The following PCDHA6 variants were observed in gnomAD, a reference collection of about 807,000 sequenced individuals.
The protein encoded by PCDHA6 is protocadherin alpha 6.
Under a neutral mutation model 60.3 loss-of-function variants are expected in PCDHA6, and 55 were observed. The observed-to-expected ratio is 0.91, with a 90% CI of 0.73 to 1.14. PCDHA6 has a LOEUF of 1.14. Ranked by LOEUF, PCDHA6 falls within the 50% of genes most tolerant of loss-of-function variation. PCDHA6 has a pLI of 0.00. For missense variants in PCDHA6, 1,327 were observed against 1,256.5 expected (o/e 1.06, Z -0.85); for synonymous variants, 652 against 557.9 (o/e 1.17, Z -2.38).
At chr5:140,972,170 C>G (rs1001419960) in intron 1 of PCDHA6, among the ~76,000 whole-genome samples, 2 of 152,034 alleles carry the variant, frequency 1.3e-5, no homozygotes, top group African/African-American at 4.8e-5. Flanking sequence ...GAGACAGAGT[C>G]TTGGCCTGTC....
At chr5:140,987,431 C>G (rs187493051) in intron 3 of PCDHA6, among the ~76,000 whole-genome samples, 1 of 152,232 alleles carries the variant, frequency 6.6e-6, no homozygotes, top group East Asian at 1.9e-4. Context: ...AGCAGGGGGC[C>G]TTTCCCCATG....
intron 1 of PCDHA6, among the ~76,000 whole-genome samples, chr5:140,947,975 A>G (rs572156919): frequency 5.8e-4 from 87 of 150,726 alleles, no homozygotes; most frequent in African/African-American, 1.9e-3. Context: ...TGTGCTACTC[A>G]TAGGTTTTTC....
rs1250461159 is a variant in PCDHA6 at position 140,856,238 on chromosome 5, C to A, written c.2394+25753C>A. 4 of 1,597,820 alleles carry A rather than the reference C, an allele frequency of 2.5e-6. 1 individual carries two copies. Among genetic ancestry groups the A allele is most frequent in the African/African-American group, 1.3e-5 (1 of 74,234 alleles). On this transcript the variant is annotated intron_variant, in intron 1 of 3. Coordinates refer to ENST00000529310, the MANE Select transcript of PCDHA6 (RefSeq NM_018909.4). ...GGCGGAGCTGGTGCAGCGCCTGTTC[C>A]GGGTGGCGTCCAAAAGACACGGGGA... is the stretch of plus-strand genomic sequence containing the variant.
At chr5:140,910,794 T>A (rs1431401808) in intron 1 of PCDHA6, among the ~76,000 whole-genome samples, 5 of 152,166 alleles carry the variant, frequency 3.3e-5, no homozygotes, top group Non-Finnish European at 7.3e-5. Flanking sequence ...AAATGCAGAA[T>A]CCCTGCTTAG....
intron 1 of PCDHA6, among the ~76,000 whole-genome samples, chr5:140,909,261 G>A (rs1358542746): frequency 6.6e-6 from 1 of 152,226 alleles, no homozygotes; most frequent in Admixed American, 6.5e-5. Flanking sequence ...CTTGCTGACT[G>A]AAGGCAAATT....
At chr5:140,841,797 A>T in intron 1 of PCDHA6, 1 of 1,613,936 alleles carries the variant, frequency 6.2e-7, no homozygotes, top group Non-Finnish European at 8.5e-7. Flanking sequence ...GGCGCGTCCG[A>T]TGCAGATGTT....
At chr5:140,874,834 T>C (rs756394440) in intron 1 of PCDHA6, among the ~76,000 whole-genome samples, 17 of 152,260 alleles carry the variant, frequency 1.1e-4, no homozygotes, top group Non-Finnish European at 2.5e-4. Context: ...AAATATTGTT[T>C]GGTATTAGAC....
At chr5:140,847,405 A>T (rs2150400080) in intron 1 of PCDHA6, 5 of 149,702 alleles carry the variant, frequency 3.3e-5, no homozygotes, top group African/African-American at 1.2e-4. Context: ...GGCACAATAA[A>T]CACTCACGGT....
chr5:140,967,610 T>A, intron 1 of PCDHA6: 1 of 1,614,108 alleles, frequency 6.2e-7, no homozygotes, highest in Non-Finnish European at 8.5e-7. Context: ...GCTGAATGCC[T>A]CAGACCCGGA....
At chr5:140,856,890 G>T in intron 1 of PCDHA6, 2 of 1,596,172 alleles carry the variant, frequency 1.3e-6, no homozygotes, top group Non-Finnish European at 1.7e-6. Context: ...TATTCATTTA[G>T]CTCTTTGGTC....
At chr5:140,918,252 C>T (rs931753296) in intron 1 of PCDHA6, among the ~76,000 whole-genome samples, 1 of 152,078 alleles carries the variant, frequency 6.6e-6, no homozygotes, top group East Asian at 1.9e-4. Context: ...TATGCTGAAA[C>T]TTTGCTGGAG....
chr5:140,829,237 C>A lies in PCDHA6; in HGVS notation c.1146C>A (p.Asn382Lys), dbSNP rs782289656. Residue 382 changes from asparagine (N) to lysine (K), a missense_variant, in exon 1 of 4, where the codon AAC (asparagine) becomes AAA (lysine). Physicochemically the swap from Asn to Lys is moderately conservative, Grantham distance 94. Transcript: ENST00000529310. ...TGAACGACCTCGATTCAGGTGCCAA[C>A]GGGCAGGTGAACTGCTCGCTGACGC... ...ISVNDLDSGA[N>K]GQVNCSLTPH... 1 of 1,614,266 alleles carries A rather than the reference C, an allele frequency of 6.2e-7. No individual in the cohort carries two copies. The highest frequency in any genetic ancestry group is 8.5e-7 in the Non-Finnish European group (1 of 1,180,052).
intron 1 of PCDHA6, among the ~76,000 whole-genome samples, chr5:140,896,652 C>T (rs1393897195): frequency 2.6e-5 from 4 of 152,018 alleles, no homozygotes; most frequent in African/African-American, 9.7e-5. Flanking sequence ...GCTAGTATTA[C>T]AGGCATGAGT....
intron 3 of PCDHA6, among the ~76,000 whole-genome samples, chr5:141,000,401 A>ATT (rs2097917579): frequency 1.3e-5 from 1 of 76,232 alleles, no homozygotes; most frequent in Non-Finnish European, 2.5e-5. Flanking sequence ...CTCTCTATAT[A>ATT]TATATATATA....
intron 1 of PCDHA6, among the ~76,000 whole-genome samples, chr5:140,906,410 A>T (rs1454575995): frequency 6.6e-6 from 1 of 152,246 alleles, no homozygotes; most frequent in Non-Finnish European, 1.5e-5. Flanking sequence ...ATATGAAGTC[A>T]ATAAATCTTA....
chr5:140,848,473 T>C lies in PCDHA6; in HGVS notation c.2394+17988T>C, dbSNP rs2150410947. 9.6e-6 allele frequency: 15 copies of C among 1,556,324 alleles called. No individual in the cohort carries two copies. In the East Asian group the frequency reaches 3.4e-4, roughly 35 times the overall value. On this transcript the variant is annotated intron_variant, in intron 1 of 3. Transcript: ENST00000529310. ...TAATTTGGAGGCAATTTTCACTAATTAGAAGAAGACTGAGTATTTGAAATG... is the reference window on the plus strand; with the variant it reads ...TAATTTGGAGGCAATTTTCACTAATCAGAAGAAGACTGAGTATTTGAAATG...
chr5:140,948,670 A>G (rs951520840), intron 1 of PCDHA6, among the ~76,000 whole-genome samples: 1 of 151,654 alleles, frequency 6.6e-6, no homozygotes. Context: ...TAGTGATAAC[A>G]TCTTTTTCAT....
chr5:140,887,857 G>A lies in PCDHA6; in HGVS notation c.2394+57372G>A, dbSNP rs139840938. Among the ~76,000 whole-genome samples the A allele has an allele frequency of 2.6e-3, 395 of 152,084 alleles. 2 individuals carry two copies. The highest frequency in any genetic ancestry group is 9.3e-3 in the African/African-American group (384 of 41,488). ...TATCTTTTATTGACATATTTTCCAAGTTCACTAATTTTTCCTTTTGTAGTA... is the reference window on the plus strand; with the variant it reads ...TATCTTTTATTGACATATTTTCCAAATTCACTAATTTTTCCTTTTGTAGTA... On this transcript the variant is annotated intron_variant, in intron 1 of 3. Coordinates refer to ENST00000529310, the MANE Select transcript of PCDHA6 (RefSeq NM_018909.4).
chr5:140,842,711 G>A lies in PCDHA6; in HGVS notation c.2394+12226G>A, dbSNP rs1554139301. ...CGCGCAGCCCGAGTACACGGTGTTC[G>A]TGAAGGAGAACAACCCGCCGGGCTG... On this transcript the variant is annotated intron_variant, in intron 1 of 3. Coordinates refer to ENST00000529310, the MANE Select transcript of PCDHA6 (RefSeq NM_018909.4). The A allele has an allele frequency of 2.5e-6, 4 of 1,595,274 alleles. No individual in the cohort carries two copies. The South Asian group carries it at 4.4e-5, about 18-fold the overall frequency.
Sources: gnomAD v4.1 joint callset for allele counts (sites outside exome capture counted in the v4.1 genomes callset) on GRCh38, gnomAD v4.1.1 for gene constraint, MANE v1.5 for transcripts, NCBI Gene and HGNC (gene_info 2026-07-23, HGNC 2026-07-21) for gene names.